Variants in KCNH1 observed in about 807,000 individuals in gnomAD.
The protein encoded by KCNH1 is potassium voltage-gated channel subfamily H member 1.
In KCNH1, 27 loss-of-function variants were observed where a neutral mutation model predicts 69.2. The observed-to-expected ratio is 0.39, with a 90% confidence interval of 0.29 to 0.54. KCNH1 has a LOEUF of 0.54. KCNH1 is among the 20% of genes least tolerant of loss of function. KCNH1 has a pLI of 0.68. For missense variants in KCNH1, 798 were observed against 1,261.6 expected (o/e 0.63, Z 5.57); for synonymous variants, 456 against 487.7 (o/e 0.93, Z 0.86).
chr1:210,791,830 A>G (rs1684219176), intron 9 of KCNH1, among the ~76,000 whole-genome samples: 2 of 152,230 alleles, frequency 1.3e-5, no homozygotes, highest in Admixed American at 1.3e-4. Flanking sequence ...AAATAAGGTC[A>G]ATGAACACAA....
At chr1:210,703,486 C>G (rs1416337789) in intron 10 of KCNH1, among the ~76,000 whole-genome samples, 1 of 152,194 alleles carries the variant, frequency 6.6e-6, no homozygotes, top group African/African-American at 2.4e-5. Flanking sequence ...GAGCTAGTAA[C>G]AGTGCCTACC....
At chr1:210,758,458 C>T (rs765798738) in intron 10 of KCNH1, among the ~76,000 whole-genome samples, 9 of 152,190 alleles carry the variant, frequency 5.9e-5, no homozygotes, top group Non-Finnish European at 1.0e-4. Context: ...TATGCCACTA[C>T]TGGATGCCCC....
At chr1:210,857,402 T>C (rs1286496075) in intron 7 of KCNH1, among the ~76,000 whole-genome samples, 1 of 152,026 alleles carries the variant, frequency 6.6e-6, no homozygotes, top group African/African-American at 2.4e-5. Flanking sequence ...TTTCTTTTCT[T>C]TTTGAGACAG....
At chr1:210,834,525 G>A (rs1428684730) in intron 7 of KCNH1, among the ~76,000 whole-genome samples, 1 of 110,254 alleles carries the variant, frequency 9.1e-6, no homozygotes, top group Non-Finnish European at 1.8e-5. Context: ...CAAACTCTGG[G>A]GACTGTTGTG....
rs535349623 is a variant in KCNH1 at position 210,788,938 on chromosome 1, C to T, written c.1915+8570G>A. On this transcript the variant is annotated intron_variant, in intron 9 of 10. Coordinates refer to ENST00000271751, the MANE Select transcript of KCNH1 (RefSeq NM_172362.3). The stretch of plus-strand genomic sequence containing the variant: ...GTCTCGATCTCCTGACCTCGTGATC[C>T]GCCCGCCTCGGCCTCCCAAAGTGCT... Among the ~76,000 whole-genome samples, 39 of 148,784 alleles carry T rather than the reference C, an allele frequency of 2.6e-4. 3 individuals carry two copies. Among genetic ancestry groups the T allele is most frequent in the African/African-American group, 8.6e-4 (33 of 38,484 alleles).
At chr1:210,850,686 G>A (rs1296746106) in intron 7 of KCNH1, among the ~76,000 whole-genome samples, 1 of 152,166 alleles carries the variant, frequency 6.6e-6, no homozygotes, top group Non-Finnish European at 1.5e-5. Flanking sequence ...TGGGGCACCA[G>A]CTCAGGCCTG....
At chr1:210,972,476 A>T (rs1392226248) in intron 6 of KCNH1, among the ~76,000 whole-genome samples, 1 of 152,156 alleles carries the variant, frequency 6.6e-6, no homozygotes, top group Non-Finnish European at 1.5e-5. Context: ...TCCTTTTTTA[A>T]AAAAAGCTTA....
At chr1:210,904,127 A>C (rs543473818) in intron 7 of KCNH1, among the ~76,000 whole-genome samples, 1 of 152,392 alleles carries the variant, frequency 6.6e-6, no homozygotes, top group African/African-American at 2.4e-5. Flanking sequence ...TATAATGCCA[A>C]GTACTTTTCT....
At chr1:210,730,483 G>A (rs1008655371) in intron 10 of KCNH1, among the ~76,000 whole-genome samples, 1 of 152,180 alleles carries the variant, frequency 6.6e-6, no homozygotes, top group African/African-American at 2.4e-5. Flanking sequence ...CTGAGAGACA[G>A]TTGGATAATA....
chr1:210,979,273 C>T (rs914342951), intron 6 of KCNH1, among the ~76,000 whole-genome samples: 1 of 152,194 alleles, frequency 6.6e-6, no homozygotes, highest in African/African-American at 2.4e-5. Context: ...CTCCCACTGT[C>T]CTTACAGCAA....
chr1:210,972,631 A>C (rs556114224), intron 6 of KCNH1, among the ~76,000 whole-genome samples: 34 of 152,298 alleles, frequency 2.2e-4, no homozygotes, highest in Admixed American at 2.0e-3. Flanking sequence ...TTCTCATTGC[A>C]ACAGAAAATG....
At chr1:210,749,290 C>T (rs552249288) in intron 10 of KCNH1, among the ~76,000 whole-genome samples, 1 of 152,298 alleles carries the variant, frequency 6.6e-6, no homozygotes, top group South Asian at 2.1e-4. Context: ...ACATATAGAA[C>T]TCCCAAGAGA....
chr1:210,945,306 T>C (rs1187110207), intron 6 of KCNH1, among the ~76,000 whole-genome samples: 1 of 152,244 alleles, frequency 6.6e-6, no homozygotes, highest in Non-Finnish European at 1.5e-5. Flanking sequence ...CAATGTATAC[T>C]ATGTGCCAGG....
chr1:210,684,006 C>G lies in KCNH1; in HGVS notation c.2245G>C (p.Glu749Gln), dbSNP rs1681344623. Residue 749 changes from glutamate (E) to glutamine (Q), a missense_variant, in exon 11 of 11, where the codon GAG (glutamate) becomes CAG (glutamine). This residue lies in a region of KCNH1 where 331 missense variants were observed against 363.2 expected (regional missense o/e 0.91). Coordinates refer to ENST00000271751, the MANE Select transcript of KCNH1 (RefSeq NM_172362.3). ...CCTCTCTCAGCTGCCAGCCTGGCCT[C>G]TTTCTGCTGTCGGAATCTCTGGAAG... ...RLFQRFRQQK[E>Q]ARLAAERGGR... The G allele has an allele frequency of 6.3e-7, 1 of 1,597,440 alleles. No individual in the cohort carries two copies.
At position 210,877,068 on chromosome 1, in the gene KCNH1, T is replaced by TAAAA. The variant is rs10673335; in HGVS notation, c.1462+42568_1462+42571dup. ...TTAGGATGACTTTAATCCTCTGAAT[T>TAAAA]AAAAAAAAAAAAAAAGTCACCACAA... On this transcript the variant is annotated intron_variant, in intron 7 of 10. Transcript: ENST00000271751. 4.1e-3 allele frequency among the ~76,000 whole-genome samples: 586 copies of TAAAA among 144,020 alleles called. 4 individuals are homozygous for TAAAA. The highest frequency in any genetic ancestry group is 7.2e-3 in the Middle Eastern group (2 of 276). The allele number at this position is 144,020 out of a possible 152,430, so 94.5% of individuals were successfully genotyped here.
intron 8 of KCNH1, among the ~76,000 whole-genome samples, chr1:210,800,507 C>T (rs1343147): frequency 1.3e-5 from 2 of 152,084 alleles, no homozygotes; most frequent in Middle Eastern, 3.4e-3. Context: ...TTTATTCATG[C>T]GCACTGTTCC....
Position 211,013,891 on chromosome 1 carries a change from G to T in KCNH1, c.1032+4892C>A, listed in dbSNP as rs971462358. Among the ~76,000 whole-genome samples, 3 of 152,234 alleles carry T rather than the reference G, an allele frequency of 2.0e-5. No homozygotes were observed. The South Asian group carries it at 6.2e-4, about 31-fold the overall frequency. Reference sequence around the variant, plus strand: ...CAGAGTTAGGATAAAGGTGATCTGTGTGAGTGTTTTGGAAAGTTAAAATCA... The same window carrying T: ...CAGAGTTAGGATAAAGGTGATCTGTTTGAGTGTTTTGGAAAGTTAAAATCA... On this transcript the variant is annotated intron_variant, in intron 6 of 10. Transcript: ENST00000271751.
chr1:210,883,911 T>C (rs979885988), intron 7 of KCNH1, among the ~76,000 whole-genome samples: 6 of 152,222 alleles, frequency 3.9e-5, no homozygotes, highest in African/African-American at 1.4e-4. Flanking sequence ...ACTTGGATGG[T>C]GAAACCAAGG....
intron 9 of KCNH1, 128 bp downstream of exon 9, chr1:210,797,380 A>T: frequency 1.0e-6 from 1 of 987,856 alleles, no homozygotes; most frequent in Non-Finnish European, 1.5e-6. Context: ...TTGGATAGAT[A>T]AGTGAATATT....
Sources: allele counts gnomAD v4.1 joint callset (sites outside exome capture counted in the v4.1 genomes callset), GRCh38; gene constraint gnomAD v4.1.1; regional missense constraint gnomAD v4.1.1; transcripts MANE v1.5; gene names NCBI Gene and HGNC (gene_info 2026-07-23, HGNC 2026-07-21).